The following HOMER1 variants were observed in gnomAD, a reference collection of about 807,000 sequenced individuals.
HOMER1 encodes homer protein homolog 1.
HOMER1 carries 3 observed loss-of-function variants against 48.9 expected under a neutral mutation model. That is an observed-to-expected ratio of 0.06 (90% CI 0.03 to 0.16). HOMER1 has a LOEUF of 0.16. Ranked by LOEUF, HOMER1 falls within the 10% of genes least tolerant of loss-of-function variation. HOMER1 has a pLI of 1.00. For missense variants in HOMER1, 247 were observed against 411.4 expected, an observed-to-expected ratio of 0.60 and a Z score of 3.46; for synonymous variants, 134 against 146.4, an observed-to-expected ratio of 0.92 and a Z score of 0.61.
intron 5 of HOMER1, among the ~76,000 whole-genome samples, chr5:79,410,489 C>CAAAAAAA (rs59290866): frequency 6.7e-5 from 7 of 105,080 alleles, no homozygotes; most frequent in Non-Finnish European, 1.1e-4. Context: ...AACTCTATCT[C>CAAAAAAA]AAAAAAAAAA....
At chr5:79,510,058 G>T (rs1226501416) in intron 1 of HOMER1, among the ~76,000 whole-genome samples, 3 of 151,912 alleles carry the variant, frequency 2.0e-5, no homozygotes, top group African/African-American at 7.3e-5. Context: ...CATTTATTAG[G>T]CATAAATACG....
At chr5:79,403,900 G>C (rs1409880413) in intron 5 of HOMER1, among the ~76,000 whole-genome samples, 1 of 152,152 alleles carries the variant, frequency 6.6e-6, no homozygotes, top group African/African-American at 2.4e-5. Flanking sequence ...ATAGAATCAA[G>C]CAACAAGCTA....
intron 1 of HOMER1, among the ~76,000 whole-genome samples, chr5:79,505,805 C>T (rs535951763): frequency 6.6e-6 from 1 of 152,122 alleles, no homozygotes; most frequent in Non-Finnish European, 1.5e-5. Context: ...AGACAGAAAA[C>T]AATGACTTTT....
intron 2 of HOMER1, among the ~76,000 whole-genome samples, chr5:79,455,065 G>A (rs555086744): frequency 3.3e-5 from 5 of 151,484 alleles, no homozygotes; most frequent in Non-Finnish European, 7.4e-5. Context: ...CCAGTCTCCT[G>A]AGTAGCTAGG....
chr5:79,469,076 A>G (rs1156712348), intron 1 of HOMER1, among the ~76,000 whole-genome samples: 1 of 152,172 alleles, frequency 6.6e-6, no homozygotes, highest in African/African-American at 2.4e-5. Flanking sequence ...TAACCACATA[A>G]AGGTAAATTA....
rs530619593 is a variant in HOMER1, at chr5:79,457,519, T to G, written c.6-501A>C. Reference sequence around the variant, plus strand: ...ATGGCCCATAAGCATCATGCTGAAGTGTTCCCAGATGCTAGCTGTTCCTAG... The same window carrying G: ...ATGGCCCATAAGCATCATGCTGAAGGGTTCCCAGATGCTAGCTGTTCCTAG... On this transcript the variant is annotated intron_variant, in intron 1 of 8. Coordinates refer to ENST00000334082, the MANE Select transcript of HOMER1 (RefSeq NM_004272.5). Among the ~76,000 whole-genome samples, 40 of 152,346 alleles carry G rather than the reference T, an allele frequency of 2.6e-4. 1 individual carries two copies. The highest frequency in any genetic ancestry group is 9.4e-4 in the African/African-American group (39 of 41,584).
At chr5:79,481,528 T>G (rs1010901536) in intron 1 of HOMER1, among the ~76,000 whole-genome samples, 7 of 152,102 alleles carry the variant, frequency 4.6e-5, no homozygotes, top group African/African-American at 1.7e-4. Flanking sequence ...GGACAGAGTA[T>G]TAAAGAGGAG....
chr5:79,451,103 T>C lies in HOMER1; in HGVS notation c.181A>G (p.Ile61Val), dbSNP rs1446104363. 2 of 1,613,324 alleles carry C rather than the reference T, an allele frequency of 1.2e-6. No individual in the cohort carries two copies. The highest frequency in any genetic ancestry group is 1.3e-5 in the African/African-American group (1 of 74,906). Residue 61 changes from isoleucine to valine, a missense_variant, in exon 3 of 9, where the codon ATC (isoleucine) becomes GTC (valine). By Grantham distance (29) the Ile-to-Val change is conservative. Coordinates refer to ENST00000334082, the MANE Select transcript of HOMER1 (RefSeq NM_004272.5). The part of the protein sequence containing the change: ...DGSKAIINST[I>V]TPNMTFTKTS... ...TTAGTAAATGTCATGTTTGGGGTGA[T>C]GGTACTATTTATTATTGCCTAAAAA...
At chr5:79,492,509 A>ACC in intron 1 of HOMER1, among the ~76,000 whole-genome samples, 1 of 152,042 alleles carries the variant, frequency 6.6e-6, no homozygotes, top group South Asian at 2.1e-4. Context: ...GAAAAAAAAA[A>ACC]CCCACCGTAT....
At chr5:79,427,993 G>C (rs892387212) in intron 5 of HOMER1, among the ~76,000 whole-genome samples, 2 of 152,232 alleles carry the variant, frequency 1.3e-5, no homozygotes, top group African/African-American at 4.8e-5. Context: ...GAAAATGCTA[G>C]AAGACAGGAA....
intron 1 of HOMER1, among the ~76,000 whole-genome samples, chr5:79,488,729 C>T (rs1017221162): frequency 2.0e-5 from 3 of 152,176 alleles, no homozygotes; most frequent in Admixed American, 1.3e-4. Context: ...AGTTACCATT[C>T]ATTGAGTAGC....
chr5:79,385,788 A>G, intron 8 of HOMER1, among the ~76,000 whole-genome samples: 1 of 134,844 alleles, frequency 7.4e-6, no homozygotes, highest in East Asian at 2.3e-4. Context: ...GCTTGCAGTG[A>G]GCCGAGATCG....
intron 5 of HOMER1, among the ~76,000 whole-genome samples, chr5:79,406,345 C>G (rs1749661553): frequency 6.6e-6 from 1 of 152,068 alleles, no homozygotes; most frequent in Non-Finnish European, 1.5e-5. Context: ...TATTTTCTAC[C>G]TGTATCAAGA....
Position 79,393,999 on chromosome 5 carries a change from T to C in HOMER1, c.876+2824A>G, listed in dbSNP as rs192037798. Among the ~76,000 whole-genome samples, 92 of 152,324 alleles carry C rather than the reference T, an allele frequency of 6.0e-4. 1 individual carries two copies. In the East Asian group the frequency reaches 0.016, roughly 27 times the overall value. On this transcript the variant is annotated intron_variant, in intron 8 of 8. Transcript: ENST00000334082. ...CAGGATTATGATTTTTTTAATATTA[T>C]GGAATTATGATTTTATACTAACCTT...
chr5:79,469,542 T>C (rs1751563457), intron 1 of HOMER1, among the ~76,000 whole-genome samples: 1 of 152,246 alleles, frequency 6.6e-6, no homozygotes, highest in South Asian at 2.1e-4. Context: ...ATAGCACATC[T>C]GTTATTTTAT....
At chr5:79,377,697 A>G in intron 8 of HOMER1, among the ~76,000 whole-genome samples, 1 of 152,096 alleles carries the variant, frequency 6.6e-6, no homozygotes, top group East Asian at 1.9e-4. Context: ...TCACTGAAAG[A>G]CAATCTGGTA....
intron 5 of HOMER1, among the ~76,000 whole-genome samples, chr5:79,404,414 C>T (rs923955347): frequency 1.3e-5 from 2 of 152,142 alleles, no homozygotes; most frequent in Non-Finnish European, 2.9e-5. Flanking sequence ...ATCTGGGTAA[C>T]CTCGGACCCA....
chr5:79,397,057 T>C (rs969941835), intron 7 of HOMER1, among the ~76,000 whole-genome samples, 154 bp from the exon 8 acceptor site: 2 of 152,206 alleles, frequency 1.3e-5, no homozygotes, highest in Admixed American at 6.5e-5. Flanking sequence ...TTCATCTTTA[T>C]ATGTATGTTG....
chr5:79,461,107 G>C (rs548279590), intron 1 of HOMER1, among the ~76,000 whole-genome samples: 1 of 152,262 alleles, frequency 6.6e-6, no homozygotes, highest in East Asian at 1.9e-4. Context: ...GGAATCACCA[G>C]ATTTTATGAT....
Sources: gnomAD v4.1 joint callset for allele counts (sites outside exome capture counted in the v4.1 genomes callset) on GRCh38, gnomAD v4.1.1 for gene constraint, MANE v1.5 for transcripts, NCBI Gene and HGNC (gene_info 2026-07-23, HGNC 2026-07-21) for gene names.